EML1: variants seen among roughly 807,000 people sequenced by gnomAD.
The protein encoded by EML1 is EMAP like 1.
Under a neutral mutation model 110.4 loss-of-function variants are expected in EML1, and 27 were observed. That is an observed-to-expected ratio of 0.24 (90% confidence interval 0.18 to 0.34). EML1 has a LOEUF of 0.34. Ranked by LOEUF, EML1 falls within the 10% of genes least tolerant of loss-of-function variation. The pLI is 1.00. For missense variants in EML1, 741 were observed against 1,030.9 expected (o/e 0.72, Z 3.85); for synonymous variants, 344 against 385.8 (o/e 0.89, Z 1.27).
chr14:99,748,852 G>A (rs910417186), intron 1 of EML1, among the ~76,000 whole-genome samples: 5 of 152,008 alleles, frequency 3.3e-5, no homozygotes, highest in Non-Finnish European at 5.9e-5. Context: ...GCAAACACTC[G>A]TCCACTTTGT....
chr14:99,922,363 A>C (rs1339474242), intron 17 of EML1, among the ~76,000 whole-genome samples: 2 of 151,936 alleles, frequency 1.3e-5, no homozygotes, highest in African/African-American at 2.4e-5. Context: ...TGATCCACCC[A>C]CCTCGGCCTC....
At chr14:99,866,598 A>T (rs987757593) in intron 3 of EML1, among the ~76,000 whole-genome samples, 12 of 143,838 alleles carry the variant, frequency 8.3e-5, no homozygotes, top group Admixed American at 7.5e-4. Flanking sequence ...AAAAAAAAAG[A>T]GTTCAGTAGT....
chr14:99,839,923 G>A, intron 1 of EML1, among the ~76,000 whole-genome samples: 1 of 152,230 alleles, frequency 6.6e-6, no homozygotes, highest in Non-Finnish European at 1.5e-5. Context: ...AATAAAGCTG[G>A]AGCCCAGCCA....
At chr14:99,937,476 CG>C (rs1160567030) in intron 19 of EML1, among the ~76,000 whole-genome samples, 1 of 151,480 alleles carries the variant, frequency 6.6e-6, no homozygotes, top group Admixed American at 6.6e-5. Context: ...GGGGCCTGAC[CG>C]CAGAGGCAGA....
chr14:99,903,767 T>G (rs2059797286), intron 9 of EML1, among the ~76,000 whole-genome samples: 2 of 149,452 alleles, frequency 1.3e-5, no homozygotes, highest in East Asian at 2.0e-4. Flanking sequence ...TAACAAAATC[T>G]CATAGATAAA....
intron 1 of EML1, among the ~76,000 whole-genome samples, chr14:99,741,437 G>T (rs973028237): frequency 6.6e-6 from 1 of 151,892 alleles, no homozygotes; most frequent in African/African-American, 2.4e-5. Context: ...CATTCAGCTG[G>T]GTGAGCTGAC....
chr14:99,908,206 G>A lies in EML1; in HGVS notation c.1104+473G>A, dbSNP rs545757117. 2.6e-3 allele frequency among the ~76,000 whole-genome samples: 403 copies of A among 152,344 alleles called. 4 individuals are homozygous for A. The highest frequency in any genetic ancestry group is 8.9e-3 in the African/African-American group (372 of 41,584). ...TGGCACAGACTCAGGAAAGACCAGCGGGAGCCCCGAGCTAAACCCCAAATC... is the reference window on the plus strand; with the variant it reads ...TGGCACAGACTCAGGAAAGACCAGCAGGAGCCCCGAGCTAAACCCCAAATC... On this transcript the variant is annotated intron_variant, in intron 10 of 21. Transcript: ENST00000262233.
At chr14:99,813,286 T>C (rs1463584005) in intron 1 of EML1, among the ~76,000 whole-genome samples, 1 of 152,242 alleles carries the variant, frequency 6.6e-6, no homozygotes, top group African/African-American at 2.4e-5. Context: ...CTTAGCTTTT[T>C]TTCTTTTTAA....
intron 2 of EML1, among the ~76,000 whole-genome samples, chr14:99,858,604 G>A (rs1422741070): frequency 2.6e-5 from 4 of 152,208 alleles, no homozygotes; most frequent in African/African-American, 7.2e-5. Context: ...GGCCGTATGC[G>A]TAGGGCATTT....
In EML1 at chr14:99,897,135, A is replaced by G. The variant is rs1197126996; in HGVS notation, c.678-10A>G. 1.3e-6 allele frequency: 2 copies of G among 1,524,214 alleles called. No individual in the cohort carries two copies. Among genetic ancestry groups the G allele is most frequent in the Non-Finnish European group, 1.8e-6 (2 of 1,137,882 alleles). 94.4% of individuals were successfully genotyped at this position (1,524,214 alleles called of 1,614,324 possible). On this transcript the variant is annotated splice_polypyrimidine_tract_variant and intron_variant, in intron 6 of 21. Coordinates refer to ENST00000262233, the MANE Select transcript of EML1 (RefSeq NM_004434.3). ...AAGGGAAAAAAAATTTTATCTTGAC[A>G]TCCACAAAGCTATGGGTACAGGGGT...
intron 1 of EML1, among the ~76,000 whole-genome samples, chr14:99,766,176 A>C (rs182379597): frequency 3.1e-3 from 452 of 143,718 alleles, no homozygotes; most frequent in Non-Finnish European, 4.8e-3. Context: ...GTTGGATCAC[A>C]TGGAAATTAA....
intron 1 of EML1, among the ~76,000 whole-genome samples, chr14:99,744,449 G>A (rs1486955876): frequency 1.3e-5 from 2 of 152,146 alleles, no homozygotes; most frequent in Admixed American, 6.5e-5. Flanking sequence ...AGCCACATGG[G>A]CACACCAAAT....
chr14:99,875,063 C>A, intron 3 of EML1: 1 of 1,412,536 alleles, frequency 7.1e-7, no homozygotes, highest in Non-Finnish European at 1.0e-6. Context: ...AACGTAGTAG[C>A]TTCAAGGTCT....
intron 1 of EML1, among the ~76,000 whole-genome samples, chr14:99,749,182 C>T (rs1595233709): frequency 6.6e-6 from 1 of 152,188 alleles, no homozygotes; most frequent in Non-Finnish European, 1.5e-5. Context: ...CACCGGGAAG[C>T]GGGATCGCCG....
In EML1 at chr14:99,784,097, C is replaced by CT. The variant is rs771078193; in HGVS notation, c.-27+10095dup. Reference sequence around the variant, plus strand: ...AAATGTAAGGACTTTTTCTTGTCTTCTTTTTTTTTTTGAGATAGGATCTTG... The same window carrying CT: ...AAATGTAAGGACTTTTTCTTGTCTTCTTTTTTTTTTTTGAGATAGGATCTTG... On this transcript the variant is annotated intron_variant, in intron 1 of 22. Coordinates refer to the EML1 transcript ENST00000327921. This position sits in a 1 kb window ranked among gnomAD's most constrained non-coding sequence, Gnocchi z 4.5. Among the ~76,000 whole-genome samples the CT allele has an allele frequency of 5.2e-3, 759 of 147,124 alleles. 4 individuals carry two copies. Among genetic ancestry groups the CT allele is most frequent in the African/African-American group, 0.013 (536 of 40,376 alleles).
intron 1 of EML1, among the ~76,000 whole-genome samples, chr14:99,807,019 T>C (rs2057989255): frequency 6.6e-6 from 1 of 152,116 alleles, no homozygotes; most frequent in African/African-American, 2.4e-5. Flanking sequence ...TCTGAGTTTT[T>C]GTTTTTTTTT....
intron 4 of EML1, among the ~76,000 whole-genome samples, chr14:99,879,730 T>C (rs947250557): frequency 6.6e-6 from 1 of 152,216 alleles, no homozygotes; most frequent in Non-Finnish European, 1.5e-5. Flanking sequence ...ATCAGAAGAT[T>C]ATGCTAATGG....
At chr14:99,828,799 G>T (rs1016549685) in intron 1 of EML1, among the ~76,000 whole-genome samples, 1 of 152,106 alleles carries the variant, frequency 6.6e-6, no homozygotes, top group African/African-American at 2.4e-5. Flanking sequence ...CAAATAAGCT[G>T]GAGAAAAGAA....
chr14:99,897,024 T>A, intron 6 of EML1, 121 bp from the exon 7 acceptor site: 1 of 923,720 alleles, frequency 1.1e-6, no homozygotes, highest in Non-Finnish European at 1.5e-6. Flanking sequence ...TTAATGTTGT[T>A]TAAATTAGTG....
Sources: allele counts gnomAD v4.1 joint callset (sites outside exome capture counted in the v4.1 genomes callset), GRCh38; gene constraint gnomAD v4.1.1; non-coding constraint Gnocchi (gnomAD v3.1); transcripts MANE v1.5; gene names NCBI Gene and HGNC (gene_info 2026-07-23, HGNC 2026-07-21).